The following MINDY4 variants were observed in gnomAD, a reference collection of about 807,000 sequenced individuals.
MINDY4 encodes probable ubiquitin carboxyl-terminal hydrolase MINDY-4.
MINDY4 carries 68 observed loss-of-function variants against 87.0 expected under a neutral mutation model. The ratio of observed to expected loss-of-function variants is 0.78; its 90% CI spans 0.64 to 0.96. The LOEUF is 0.96. Among genes scored for constraint, MINDY4 ranks in the 40% least tolerant of loss-of-function variants. MINDY4 has a pLI of 0.00. For missense variants in MINDY4, 919 were observed against 928.2 expected (o/e 0.99, Z 0.13); for synonymous variants, 379 against 363.2 (o/e 1.04, Z -0.50).
At chr7:30,853,704 C>T (rs888733446) in intron 12 of MINDY4, among the ~76,000 whole-genome samples, 1 of 152,194 alleles carries the variant, frequency 6.6e-6, no homozygotes, top group African/African-American at 2.4e-5. Flanking sequence ...GTAGCAGCCA[C>T]AGCCAGGACT....
At chr7:30,834,650 A>C (rs1788805451) in intron 6 of MINDY4, among the ~76,000 whole-genome samples, 1 of 152,166 alleles carries the variant, frequency 6.6e-6, no homozygotes, top group Admixed American at 6.5e-5. Flanking sequence ...CTTTTCTATT[A>C]CATTTCTTTT....
intron 17 of MINDY4, among the ~76,000 whole-genome samples, chr7:30,888,915 G>A (rs1371950001): frequency 3.9e-5 from 6 of 152,202 alleles, no homozygotes; most frequent in African/African-American, 1.4e-4. Flanking sequence ...TCTAGTGGTA[G>A]ATGAGTGTGA....
intron 13 of MINDY4, among the ~76,000 whole-genome samples, chr7:30,861,217 C>T (rs1789753893): frequency 6.6e-6 from 1 of 152,244 alleles, no homozygotes; most frequent in Non-Finnish European, 1.5e-5. Flanking sequence ...ATGGATTGGG[C>T]TTTGTCTTAC....
intron 15 of MINDY4, among the ~76,000 whole-genome samples, chr7:30,880,089 C>G (rs868265709): frequency 6.6e-6 from 1 of 152,168 alleles, no homozygotes; most frequent in Non-Finnish European, 1.5e-5. Context: ...CACTATGTCC[C>G]CATTGCTGTT....
At chr7:30,826,176 T>C (rs1302915014) in intron 5 of MINDY4, among the ~76,000 whole-genome samples, 2 of 152,240 alleles carry the variant, frequency 1.3e-5, no homozygotes, top group African/African-American at 4.8e-5. Context: ...CTTATTCTTA[T>C]TTGCAGAATC....
chr7:30,778,648 T>G (rs924419925), intron 2 of MINDY4, 97 bp downstream of exon 2: 1 of 1,404,410 alleles, frequency 7.1e-7, no homozygotes, highest in Non-Finnish European at 1.0e-6. Flanking sequence ...AGGCTTGAGG[T>G]TCTCCTGGCC....
chr7:30,783,879 C>A (rs1787075390), intron 3 of MINDY4, among the ~76,000 whole-genome samples: 1 of 152,162 alleles, frequency 6.6e-6, no homozygotes. Flanking sequence ...GGAAAATAAG[C>A]TCTTTTAAAA....
rs150770123 is a variant in MINDY4 at position 30,882,858 on chromosome 7, G to A, written c.2153-63G>A. ...GGGGCGGGTCTCGGGAGTGGTCAGC[G>A]CTGACCTCAGGGTGAGTGCAGGGCC... is the stretch of plus-strand genomic sequence containing the variant. On this transcript the variant is annotated intron_variant, in intron 16 of 17. Coordinates refer to ENST00000265299, the MANE Select transcript of MINDY4 (RefSeq NM_032222.3). 7.3e-4 allele frequency: 1,105 copies of A among 1,518,556 alleles called. 1 individual carries two copies. The highest frequency in any genetic ancestry group is 9.5e-4 in the Non-Finnish European group (1,042 of 1,096,506). 94.1% of individuals were successfully genotyped at this position (1,518,556 alleles called of 1,614,324 possible).
intron 17 of MINDY4, among the ~76,000 whole-genome samples, chr7:30,890,130 C>T (rs1459860716): frequency 6.6e-6 from 1 of 152,236 alleles, no homozygotes. Flanking sequence ...AAGTTTTGGA[C>T]ACAGTTGCCC....
chr7:30,874,764 C>T (rs1790209742), intron 14 of MINDY4, among the ~76,000 whole-genome samples: 1 of 152,164 alleles, frequency 6.6e-6, no homozygotes, highest in Admixed American at 6.5e-5. Context: ...GCTTTCCCTG[C>T]CCTGTTAAAA....
intron 12 of MINDY4, among the ~76,000 whole-genome samples, chr7:30,853,884 C>T (rs1324214395): frequency 6.6e-6 from 1 of 152,146 alleles, no homozygotes; most frequent in Non-Finnish European, 1.5e-5. Flanking sequence ...CAGAAAGCGG[C>T]TTCTTGGGTG....
intron 6 of MINDY4, among the ~76,000 whole-genome samples, chr7:30,834,438 A>G (rs1788799728): frequency 6.6e-6 from 1 of 152,208 alleles, no homozygotes; most frequent in African/African-American, 2.4e-5. Flanking sequence ...TGCTGTACAC[A>G]GCACAGGGAC....
chr7:30,852,150 C>T (rs910832678), intron 10 of MINDY4, 66 bp from the exon 11 acceptor site: 22 of 1,589,650 alleles, frequency 1.4e-5, no homozygotes, highest in Admixed American at 7.0e-5. Context: ...CATGTGGTTT[C>T]GCCCCGGCTG....
intron 2 of MINDY4, among the ~76,000 whole-genome samples, chr7:30,779,291 A>G (rs1167839035): frequency 2.0e-5 from 3 of 152,250 alleles, no homozygotes; most frequent in African/African-American, 7.2e-5. Context: ...CCCCAAACAT[A>G]AAGTGTTGTC....
intron 12 of MINDY4, among the ~76,000 whole-genome samples, chr7:30,855,114 G>A (rs913692827): frequency 6.6e-6 from 1 of 152,246 alleles, no homozygotes; most frequent in Non-Finnish European, 1.5e-5. Flanking sequence ...GGCAGAGGAG[G>A]CCTGGAGCAG....
intron 6 of MINDY4, among the ~76,000 whole-genome samples, chr7:30,834,301 C>T (rs1163332229): frequency 6.6e-6 from 1 of 152,216 alleles, no homozygotes; most frequent in Non-Finnish European, 1.5e-5. Flanking sequence ...TGTGCACCTG[C>T]AGGCTCAACA....
chr7:30,781,769 T>C, intron 2 of MINDY4: 1 of 544,700 alleles, frequency 1.8e-6, no homozygotes, highest in Non-Finnish European at 3.2e-6. Context: ...CTAGTTCTTT[T>C]AGGGTAGAGA....
intron 17 of MINDY4, among the ~76,000 whole-genome samples, chr7:30,888,026 C>G (rs191199383): frequency 6.6e-6 from 1 of 152,314 alleles, no homozygotes; most frequent in African/African-American, 2.4e-5. Context: ...TTCTACCAGT[C>G]AGGAGCTTTG....
At chr7:30,800,236 C>A (rs989156799) in intron 5 of MINDY4, among the ~76,000 whole-genome samples, 2 of 152,192 alleles carry the variant, frequency 1.3e-5, no homozygotes, top group African/African-American at 4.8e-5. Context: ...ACTGCAAAGC[C>A]TGTCCCTGGA....
Sources: allele counts gnomAD v4.1 joint callset (sites outside exome capture counted in the v4.1 genomes callset), GRCh38; gene constraint gnomAD v4.1.1; transcripts MANE v1.5; gene names NCBI Gene and HGNC (gene_info 2026-07-23, HGNC 2026-07-21).